Variants in MYO16 observed in about 807,000 individuals in gnomAD.
MYO16 encodes myosin XVI, also known as unconventional myosin-XVI.
In MYO16, 94 loss-of-function variants were observed where a neutral mutation model predicts 205.3. The ratio of observed to expected loss-of-function variants is 0.46; its 90% CI spans 0.39 to 0.54. The LOEUF is 0.54. Among genes scored for constraint, MYO16 ranks in the 20% least tolerant of loss-of-function variants. MYO16 has a pLI of 0.00. For synonymous variants in MYO16, 988 were observed against 954.0 expected, an observed-to-expected ratio of 1.04 and a Z score of -0.66; for missense variants, 2,315 against 2,387.5, an observed-to-expected ratio of 0.97 and a Z score of 0.63.
At chr13:108,500,820 GA>G in the MYO16 span, among the ~76,000 whole-genome samples, 1 of 152,082 alleles carries the variant, frequency 6.6e-6, no homozygotes, top group Admixed American at 6.5e-5. Context: ...TAAAAGACTT[GA>G]ATGATTTTCT....
Position 109,140,220 on chromosome 13 carries a change from G to A in MYO16, c.4052-44G>A. 1 of 1,587,846 alleles carries A rather than the reference G, an allele frequency of 6.3e-7. No individual in the cohort carries two copies. The highest frequency in any genetic ancestry group is 8.5e-7 in the Non-Finnish European group (1 of 1,174,630). ...AGCCCCGGGCTTGGTGGGCACCCGTGGGCCTGGCCTGGCACCCACTGACCG... is the reference window on the plus strand; with the variant it reads ...AGCCCCGGGCTTGGTGGGCACCCGTAGGCCTGGCCTGGCACCCACTGACCG... On this transcript the variant is annotated intron_variant, in intron 31 of 34. Transcript: ENST00000457511. The surrounding 1 kb of genome is among the most constrained non-coding windows in gnomAD (Gnocchi z 8.0).
chr13:109,091,039 G>A (rs1888605201), intron 27 of MYO16, among the ~76,000 whole-genome samples: 1 of 152,158 alleles, frequency 6.6e-6, no homozygotes, highest in South Asian at 2.1e-4. Flanking sequence ...CTGGAAATTA[G>A]CCCCAAATAG....
At chr13:108,530,262 G>A in the MYO16 span, among the ~76,000 whole-genome samples, 1 of 152,264 alleles carries the variant, frequency 6.6e-6, no homozygotes, top group African/African-American at 2.4e-5. Flanking sequence ...GTCGAAGGAC[G>A]AATTACTGGG....
At chr13:108,507,145 T>C in the MYO16 span, among the ~76,000 whole-genome samples, 1 of 152,132 alleles carries the variant, frequency 6.6e-6, no homozygotes, top group Non-Finnish European at 1.5e-5. Context: ...ACTTAAAATA[T>C]TTTCAACTTA....
intron 23 of MYO16, among the ~76,000 whole-genome samples, chr13:109,028,161 T>C (rs1226800351): frequency 6.6e-6 from 1 of 151,778 alleles, no homozygotes; most frequent in East Asian, 1.9e-4. Context: ...TGGCCCTTCT[T>C]ATGACACTTG....
At chr13:108,851,082 A>G (rs1264321201) in intron 10 of MYO16, among the ~76,000 whole-genome samples, 1 of 152,216 alleles carries the variant, frequency 6.6e-6, no homozygotes, top group Non-Finnish European at 1.5e-5. Flanking sequence ...TTATCTTAGC[A>G]TAAATCATTA....
At chr13:109,097,935 A>T (rs1217810048) in intron 27 of MYO16, among the ~76,000 whole-genome samples, 1 of 128,958 alleles carries the variant, frequency 7.8e-6, no homozygotes, top group Non-Finnish European at 1.7e-5. Flanking sequence ...GAGAATGCTG[A>T]GGATTTAAGA....
At chr13:108,932,098 A>C (rs1402403258) in intron 16 of MYO16, among the ~76,000 whole-genome samples, 4 of 152,122 alleles carry the variant, frequency 2.6e-5, no homozygotes, top group African/African-American at 4.8e-5. Flanking sequence ...GTGAAGTTTA[A>C]CTCATGCATT....
intron 20 of MYO16, among the ~76,000 whole-genome samples, chr13:108,967,825 G>A (rs539432041): frequency 1.8e-4 from 27 of 152,182 alleles, no homozygotes; most frequent in Admixed American, 5.9e-4. Context: ...TTGTTAAAAC[G>A]ATGACTCTAG....
chr13:108,679,689 A>G (rs116009809), intron 2 of MYO16, among the ~76,000 whole-genome samples: 2,010 of 149,658 alleles, frequency 0.013, 39 homozygotes, highest in African/African-American at 0.044. Context: ...AGATAATCCT[A>G]AATGTACTGT....
chr13:108,783,670 C>A (rs1886373814), intron 4 of MYO16, among the ~76,000 whole-genome samples: 2 of 152,086 alleles, frequency 1.3e-5, no homozygotes, highest in South Asian at 4.1e-4. Flanking sequence ...TGGGACAGAC[C>A]CAGGGAGAGG....
chr13:108,724,166 A>G (rs1884258930), intron 3 of MYO16, among the ~76,000 whole-genome samples: 1 of 152,206 alleles, frequency 6.6e-6, no homozygotes, highest in Admixed American at 6.5e-5. Flanking sequence ...TGTATCTTTC[A>G]AATTTGCTAT....
chr13:108,964,801 G>C lies in MYO16; in HGVS notation c.2268G>C (p.Glu756Asp). The C allele has an allele frequency of 6.2e-7, 1 of 1,614,114 alleles. No homozygotes were observed. Among genetic ancestry groups the C allele is most frequent in the Non-Finnish European group, 8.5e-7 (1 of 1,180,020 alleles). The change falls in exon 20 of 35, where the codon GAG becomes GAC. Residue 756 changes from glutamate to aspartate, a missense_variant. By Grantham distance (45) the Glu-to-Asp change is conservative. This residue lies in a region of MYO16 where 1,213 missense variants were observed against 1,274.4 expected (regional missense o/e 0.95). Coordinates refer to ENST00000457511, the MANE Select transcript of MYO16 (RefSeq NM_001198950.3). ...GACGACATACCATACAGATTGCTGA[G>C]TTTTTCCGAGACCTCTTGGCCAAGT... is the stretch of plus-strand genomic sequence containing the variant. ...IIRRHTIQIAEFFRDLLAKSL... is the reference protein window; with the variant it reads ...IIRRHTIQIADFFRDLLAKSL...
chr13:108,907,498 C>G (rs1443607857), intron 15 of MYO16, among the ~76,000 whole-genome samples: 1 of 152,096 alleles, frequency 6.6e-6, no homozygotes, highest in Non-Finnish European at 1.5e-5. Flanking sequence ...ACTTAGAAGC[C>G]CATCATACTC....
intron 21 of MYO16, among the ~76,000 whole-genome samples, chr13:109,002,587 C>A (rs1218539464): frequency 6.6e-6 from 1 of 152,188 alleles, no homozygotes; most frequent in Non-Finnish European, 1.5e-5. Flanking sequence ...ACCTTTCACC[C>A]ACATTCACGT....
rs1227483332 is a variant in MYO16, at chr13:108,957,767, C to T, written c.2005C>T (p.Arg669Ter). 5.6e-6 allele frequency: 9 copies of T among 1,613,636 alleles called. No individual in the cohort carries two copies. Among genetic ancestry groups the T allele is most frequent in the Non-Finnish European group, 7.6e-6 (9 of 1,179,700 alleles). The change falls in exon 17 of 35, where the codon CGA becomes TGA. Residue 669 changes from arginine to a stop codon, truncating the protein, a stop_gained. Coordinates refer to ENST00000457511, the MANE Select transcript of MYO16 (RefSeq NM_001198950.3). LOFTEE classifies it high-confidence loss of function. ...LNREKLAVLKRALNVVGFSSL... is the reference protein window; with the variant it reads ...LNREKLAVLK ...CAGGGAGAAATTGGCTGTTTTGAAA[C>T]GAGCCCTGAATGTAGTTGGCTTCAG...
At chr13:109,095,811 A>G (rs1415500394) in intron 27 of MYO16, among the ~76,000 whole-genome samples, 2 of 152,238 alleles carry the variant, frequency 1.3e-5, no homozygotes, top group African/African-American at 2.4e-5. Context: ...GAGGGCATGA[A>G]TGAGTTCACT....
intron 8 of MYO16, among the ~76,000 whole-genome samples, chr13:108,821,603 C>G (rs1875973815): frequency 6.6e-6 from 1 of 152,142 alleles, no homozygotes; most frequent in East Asian, 1.9e-4. Flanking sequence ...AGTTCGTATT[C>G]CTGGCTTATT....
chr13:109,122,685 T>C (rs975499035), intron 29 of MYO16, among the ~76,000 whole-genome samples: 6 of 118,248 alleles, frequency 5.1e-5, no homozygotes, highest in African/African-American at 1.9e-4. Context: ...AAACTCTGTC[T>C]CAAAAAAAAA....
Sources: allele counts gnomAD v4.1 joint callset (sites outside exome capture counted in the v4.1 genomes callset), GRCh38; gene constraint gnomAD v4.1.1; regional missense constraint gnomAD v4.1.1; non-coding constraint Gnocchi (gnomAD v3.1); transcripts MANE v1.5; gene names NCBI Gene and HGNC (gene_info 2026-07-23, HGNC 2026-07-21).